CTNNA2: variants seen among roughly 807,000 people sequenced by gnomAD.
CTNNA2 encodes the protein catenin alpha 2, also known as catenin alpha-2.
CTNNA2 carries 42 observed loss-of-function variants against 101.0 expected under a neutral mutation model. The ratio of observed to expected loss-of-function variants is 0.42; its 90% confidence interval spans 0.32 to 0.54. The LOEUF is 0.54. Among genes scored for constraint, CTNNA2 ranks in the 20% least tolerant of loss-of-function variants. The pLI, the probability that CTNNA2 is intolerant of heterozygous loss-of-function variation, is 0.14. For synonymous variants in CTNNA2, 450 were observed against 456.4 expected (o/e 0.99, Z 0.18); for missense variants, 871 against 1,223.1 (o/e 0.71, Z 4.29).
rs1446912503 is a variant in CTNNA2, at chr2:80,606,411, CA to C, written c.2296-1772del. On this transcript the variant is annotated intron_variant, in intron 16 of 18. Transcript: ENST00000402739. The stretch of plus-strand genomic sequence containing the variant: ...ACACACACACACACACACACACACA[CA>C]CCCCCCAGGATACATTTATTTTGAG... 2.4e-3 allele frequency among the ~76,000 whole-genome samples: 104 copies of C among 44,048 alleles called. 1 individual carries two copies. The East Asian group carries it at 0.026, about 11-fold the overall frequency. 28.9% of individuals were successfully genotyped at this position (44,048 alleles called of 152,430 possible).
intron 1 of CTNNA2, among the ~76,000 whole-genome samples, chr2:79,601,850 T>C (rs372911861): frequency 6.6e-6 from 1 of 152,242 alleles, no homozygotes; most frequent in East Asian, 1.9e-4. Flanking sequence ...CCACCATAAG[T>C]TGAAAATAAC....
intron 9 of CTNNA2, among the ~76,000 whole-genome samples, chr2:80,465,395 C>G (rs944519129): frequency 1.1e-4 from 15 of 138,194 alleles, no homozygotes; most frequent in African/African-American, 3.8e-4. Flanking sequence ...TTCCCTCCTA[C>G]CATTTTTGCA....
rs538430535 is a variant in CTNNA2 at position 80,027,420 on chromosome 2, G to A, written c.1056+117623G>A. Among the ~76,000 whole-genome samples, 208 of 152,322 alleles carry A rather than the reference G, an allele frequency of 1.4e-3. 1 individual carries two copies. The highest frequency in any genetic ancestry group is 4.6e-3 in the African/African-American group (193 of 41,576). ...AAAGACTGTGGTTAGACAGGTCTACGAAAATGTCAGAAAGCTTTCAACAGG... is the reference window on the plus strand; with the variant it reads ...AAAGACTGTGGTTAGACAGGTCTACAAAAATGTCAGAAAGCTTTCAACAGG... On this transcript the variant is annotated intron_variant, in intron 7 of 18. Transcript: ENST00000402739.
At chr2:79,578,681 T>C (rs1321649151) in intron 1 of CTNNA2, among the ~76,000 whole-genome samples, 1 of 152,182 alleles carries the variant, frequency 6.6e-6, no homozygotes, top group Non-Finnish European at 1.5e-5. Context: ...ATTGGCTTTC[T>C]ATATAGCACA....
intron 7 of CTNNA2, among the ~76,000 whole-genome samples, chr2:80,311,347 T>C (rs1677563433): frequency 1.3e-5 from 2 of 152,224 alleles, no homozygotes; most frequent in Admixed American, 1.3e-4. Flanking sequence ...TCTCTTTGCC[T>C]TGAGAAACCC....
rs1326148993 is a variant in CTNNA2, at chr2:79,909,681, G to A, written c.940G>A (p.Ala314Thr). ...GAGGCTGGAGAGCATCATCAGCGGC[G>A]CAGCGCTGATGGCCGACTCCTCCTG... is the stretch of plus-strand genomic sequence containing the variant. ...EERLESIISGAALMADSSCTR... is the reference protein window; with the variant it reads ...EERLESIISGTALMADSSCTR... The change falls in exon 7 of 19, where the codon GCA becomes ACA. Residue 314 changes from alanine (A) to threonine (T), a missense_variant. Around this residue, in one of 5 missense-constraint regions of CTNNA2, gnomAD observed 647 missense variants for 831.5 expected, o/e 0.78. Coordinates refer to ENST00000402739, the MANE Select transcript of CTNNA2 (RefSeq NM_001282597.3). 6.2e-7 allele frequency: 1 copy of A among 1,613,898 alleles called. No homozygotes were observed. The highest frequency in any genetic ancestry group is 8.5e-7 in the Non-Finnish European group (1 of 1,179,888).
chr2:80,205,058 A>T (rs1226959154), intron 7 of CTNNA2, among the ~76,000 whole-genome samples: 1 of 152,148 alleles, frequency 6.6e-6, no homozygotes, highest in African/African-American at 2.4e-5. Flanking sequence ...ATCTCCCACC[A>T]GGTCCCTCCC....
chr2:79,857,645 A>C (rs1681243192), intron 3 of CTNNA2, among the ~76,000 whole-genome samples: 1 of 152,240 alleles, frequency 6.6e-6, no homozygotes, highest in South Asian at 2.1e-4. Flanking sequence ...CAGTAACTTC[A>C]ATGAGTTGCA....
At chr2:79,637,969 G>A (rs895148731) in intron 1 of CTNNA2, among the ~76,000 whole-genome samples, 59 of 152,314 alleles carry the variant, frequency 3.9e-4, no homozygotes, top group African/African-American at 1.4e-3. Flanking sequence ...AGTAACTGCT[G>A]AGACAGCGTG....
At chr2:80,607,150 TAGCTC>T (rs1224037126) in intron 16 of CTNNA2, among the ~76,000 whole-genome samples, 1 of 151,868 alleles carries the variant, frequency 6.6e-6, no homozygotes, top group Non-Finnish European at 1.5e-5. Context: ...GAGGGAAACT[TAGCTC>T]AGAGTCTTTC....
chr2:80,303,998 C>T lies in CTNNA2; in HGVS notation c.1057-89213C>T. The T allele has an allele frequency of 1.6e-6, 1 of 625,016 alleles. No individual in the cohort carries two copies. The highest frequency in any genetic ancestry group is 2.5e-6 in the Non-Finnish European group (1 of 393,120). The allele number at this position is 625,016 out of a possible 1,614,324, so 38.7% of individuals were successfully genotyped here. A position where few individuals can be genotyped will look rare whatever the true frequency, so the allele number is the denominator to read the frequency against. Reference sequence around the variant, plus strand: ...CTCCCCAAAAACCACACGTTCACCTCTAAGCATGCAGAAAGCTGGGCAGCA... The same window carrying T: ...CTCCCCAAAAACCACACGTTCACCTTTAAGCATGCAGAAAGCTGGGCAGCA... On this transcript the variant is annotated intron_variant, in intron 7 of 18. Coordinates refer to ENST00000402739, the MANE Select transcript of CTNNA2 (RefSeq NM_001282597.3). This position sits in a 1 kb window ranked among gnomAD's most constrained non-coding sequence, Gnocchi z 7.7.
intron 1 of CTNNA2, among the ~76,000 whole-genome samples, chr2:79,557,819 AT>A (rs1186561006): frequency 3.9e-5 from 6 of 151,912 alleles, no homozygotes; most frequent in Admixed American, 1.3e-4. Context: ...CTAAACTGGT[AT>A]TGACATCTAT....
chr2:79,466,616 G>T (rs1189702571), intron 4 of CTNNA2, among the ~76,000 whole-genome samples: 1 of 152,192 alleles, frequency 6.6e-6, no homozygotes. Flanking sequence ...AGCCTAACTG[G>T]GAGGCATCCC....
intron 12 of CTNNA2, among the ~76,000 whole-genome samples, chr2:80,557,319 C>G (rs1693130875): frequency 6.6e-6 from 1 of 152,200 alleles, no homozygotes; most frequent in African/African-American, 2.4e-5. Flanking sequence ...TACAGTATTT[C>G]TTTCCTCACT....
intron 4 of CTNNA2, among the ~76,000 whole-genome samples, chr2:79,416,942 A>G (rs1056205540): frequency 6.6e-6 from 1 of 152,138 alleles, no homozygotes; most frequent in African/African-American, 2.4e-5. Flanking sequence ...ATTAGCAAAC[A>G]TGCTCCAATC....
chr2:80,480,781 T>C (rs1360828678), intron 9 of CTNNA2, among the ~76,000 whole-genome samples: 1 of 152,090 alleles, frequency 6.6e-6, no homozygotes, highest in Non-Finnish European at 1.5e-5. Flanking sequence ...CTCTATATGC[T>C]AGTTTTCTCA....
rs557076502 is a variant in CTNNA2, at chr2:79,501,378, C to T, written c.-134-3676C>T. Among the ~76,000 whole-genome samples the T allele has an allele frequency of 3.9e-5, 6 of 152,298 alleles. No homozygotes were observed. In the South Asian group the frequency reaches 1.2e-3, roughly 32 times the overall value. ...TGGCTGGTCTTAAACTTCTGGCCCA[C>T]CTCTGCCTCCTGAGTAGCTGGATCT... is the stretch of plus-strand genomic sequence containing the variant. On this transcript the variant is annotated intron_variant, in intron 4 of 21. Transcript: ENST00000466387.
At chr2:79,979,001 A>G (rs1462762446) in intron 7 of CTNNA2, among the ~76,000 whole-genome samples, 2 of 152,154 alleles carry the variant, frequency 1.3e-5, no homozygotes, top group African/African-American at 4.8e-5. Context: ...TCAGATTTTA[A>G]TTCAAGGAGT....
chr2:79,616,465 C>G (rs1351531326), intron 1 of CTNNA2, among the ~76,000 whole-genome samples: 1 of 152,070 alleles, frequency 6.6e-6, no homozygotes, highest in Non-Finnish European at 1.5e-5. Context: ...TTAGTTTGAG[C>G]TTATCACAGC....
Sources: gnomAD v4.1 joint callset for allele counts (sites outside exome capture counted in the v4.1 genomes callset) on GRCh38, gnomAD v4.1.1 for gene constraint, gnomAD v4.1.1 regional missense constraint, Gnocchi (gnomAD v3.1) non-coding constraint, MANE v1.5 for transcripts, NCBI Gene and HGNC (gene_info 2026-07-23, HGNC 2026-07-21) for gene names.